USH2A: variants seen among roughly 807,000 people sequenced by gnomAD.
USH2A encodes the protein Usher syndrome 2A (autosomal recessive, mild).
Under a neutral mutation model 538.9 loss-of-function variants are expected in USH2A, and 443 were observed. The observed-to-expected ratio is 0.82, with a 90% CI of 0.76 to 0.89. USH2A has a LOEUF of 0.89. Among genes scored for constraint, USH2A ranks in the 40% least tolerant of loss-of-function variants. USH2A has a pLI of 0.00. For missense variants in USH2A, 6,633 were observed against 6,324.8 expected (o/e 1.05, Z -1.65); for synonymous variants, 2,413 against 2,273.5 (o/e 1.06, Z -1.75).
rs146980351 is a variant in USH2A, at chr1:215,786,745, C to A, written c.10312G>T (p.Ala3438Ser). 5 of 1,613,974 alleles carry A rather than the reference C, an allele frequency of 3.1e-6. No homozygotes were observed. In the Admixed American group the frequency reaches 5.0e-5, roughly 16 times the overall value. Residue 3438 changes from alanine to serine, a missense_variant, in exon 52 of 72, where the codon GCA (alanine) becomes TCA (serine). Transcript: ENST00000307340. Reference sequence around the variant, plus strand: ...GATGAACACATTTCTTCAATTGATGCCTTCCCTGTGGAATTGTGAGACCCT... The same window carrying A: ...GATGAACACATTTCTTCAATTGATGACTTCCCTGTGGAATTGTGAGACCCT... The part of the protein sequence containing the change: ...IRGSHNSTGK[A>S]SIEEMCSSAE...
intron 64 of USH2A, among the ~76,000 whole-genome samples, chr1:215,660,577 A>G (rs548426030): frequency 7.2e-4 from 109 of 152,322 alleles, no homozygotes; most frequent in African/African-American, 2.6e-3. Context: ...TAGAGTAAAT[A>G]AAAGCCTGGC....
At chr1:216,103,602 T>C (rs1334584195) in intron 21 of USH2A, among the ~76,000 whole-genome samples, 3 of 152,160 alleles carry the variant, frequency 2.0e-5, no homozygotes, top group African/African-American at 2.4e-5. Flanking sequence ...CTAGTATGAA[T>C]GAAAAAGCTG....
chr1:216,332,942 T>G (rs979273468), intron 4 of USH2A, among the ~76,000 whole-genome samples: 3 of 151,990 alleles, frequency 2.0e-5, no homozygotes, highest in Non-Finnish European at 4.4e-5. Context: ...GCAAAGAAAC[T>G]CCTACAAACA....
intron 32 of USH2A, among the ~76,000 whole-genome samples, chr1:216,034,195 G>T (rs1393184090): frequency 6.6e-6 from 1 of 152,118 alleles, no homozygotes; most frequent in Non-Finnish European, 1.5e-5. Context: ...AAATGAGGAA[G>T]AGATCACACC....
At chr1:216,101,192 T>C (rs190020272) in intron 21 of USH2A, among the ~76,000 whole-genome samples, 9 of 152,356 alleles carry the variant, frequency 5.9e-5, no homozygotes, top group Admixed American at 5.9e-4. Flanking sequence ...AATTCTATCT[T>C]TTGAGCCAAA....
Position 215,728,332 on chromosome 1 carries a change from C to A in USH2A, c.11764G>T (p.Ala3922Ser), listed in dbSNP as rs745965437. 3 of 1,614,094 alleles carry A rather than the reference C, an allele frequency of 1.9e-6. No individual in the cohort carries two copies. The highest frequency in any genetic ancestry group is 1.3e-5 in the African/African-American group (1 of 74,926). ...TCTCCTTCATCCATAAATTCAAGGG[C>A]TCCTTCTGACCAGACAAATAAAACA... is the stretch of plus-strand genomic sequence containing the variant. ...ESVLFVWSEGALEFMDEGDTL... is the reference protein window; with the variant it reads ...ESVLFVWSEGSLEFMDEGDTL... Residue 3922 changes from alanine (A) to serine (S), a missense_variant, in exon 61 of 72, where the codon GCC (alanine) becomes TCC (serine). Transcript: ENST00000307340.
chr1:216,412,386 T>C (rs1352060406), intron 3 of USH2A, among the ~76,000 whole-genome samples: 1 of 152,108 alleles, frequency 6.6e-6, no homozygotes, highest in Non-Finnish European at 1.5e-5. Context: ...TTTATTGTAA[T>C]AAGGGTTGAT....
intron 44 of USH2A, among the ~76,000 whole-genome samples, chr1:215,852,815 T>A (rs369384893): frequency 6.6e-6 from 1 of 152,200 alleles, no homozygotes; most frequent in African/African-American, 2.4e-5. Flanking sequence ...ATGTCTCACA[T>A]CCAGCTCATG....
At chr1:215,821,210 GTAAA>G (rs1663006206) in intron 47 of USH2A, among the ~76,000 whole-genome samples, 1 of 151,780 alleles carries the variant, frequency 6.6e-6, no homozygotes, top group Non-Finnish European at 1.5e-5. Context: ...CACCAACAGT[GTAAA>G]TAGAGTTCCC....
At position 215,674,599 on chromosome 1, in the gene USH2A, A is replaced by T; in HGVS notation, c.13312T>A (p.Trp4438Arg). Residue 4438 changes from tryptophan (W) to arginine (R), a missense_variant, in exon 63 of 72, where the codon TGG becomes AGG. By Grantham distance (101) the Trp-to-Arg change is moderately radical. Transcript: ENST00000307340. Reference sequence around the variant, plus strand: ...TTCTCTGGCAGGGCCTCCATTGTCCAGGCAGATTTTGACACACTAGCTGTG... The same window carrying T: ...TTCTCTGGCAGGGCCTCCATTGTCCTGGCAGATTTTGACACACTAGCTGTG... ...GCTASVSKSA[W>R]TMEALPENMD... 1 of 1,614,172 alleles carries T rather than the reference A, an allele frequency of 6.2e-7. No individual in the cohort carries two copies. The highest frequency in any genetic ancestry group is 8.5e-7 in the Non-Finnish European group (1 of 1,180,024).
At chr1:216,347,442 G>A (rs939389411) in intron 4 of USH2A, among the ~76,000 whole-genome samples, 6 of 152,060 alleles carry the variant, frequency 3.9e-5, no homozygotes, top group African/African-American at 1.4e-4. Context: ...AAATTACAAA[G>A]TATGTCTTCT....
intron 51 of USH2A, among the ~76,000 whole-genome samples, chr1:215,787,336 ATG>A (rs1167077706): frequency 6.6e-6 from 1 of 152,196 alleles, no homozygotes; most frequent in Middle Eastern, 3.2e-3. Context: ...AAAATAAAGA[ATG>A]TGATATTTGA....
chr1:216,305,695 T>C (rs1267708762), intron 9 of USH2A, among the ~76,000 whole-genome samples: 1 of 152,190 alleles, frequency 6.6e-6, no homozygotes, highest in Non-Finnish European at 1.5e-5. Flanking sequence ...GTTCTTGTAG[T>C]GCTAGCTTGG....
intron 10 of USH2A, among the ~76,000 whole-genome samples, chr1:216,290,245 A>T (rs569836001): frequency 6.6e-6 from 1 of 152,296 alleles, no homozygotes; most frequent in East Asian, 1.9e-4. Flanking sequence ...TGAAGACTAC[A>T]GAAATAATCA....
At chr1:215,993,255 T>A (rs1291155024) in intron 34 of USH2A, 88 bp from the exon 35 acceptor site, 2 of 1,599,100 alleles carry the variant, frequency 1.3e-6, no homozygotes, top group African/African-American at 2.7e-5. Context: ...AATAAGAGTT[T>A]CAGATTTTGT....
At chr1:215,904,635 C>T (rs1665586562) in intron 38 of USH2A, among the ~76,000 whole-genome samples, 1 of 152,082 alleles carries the variant, frequency 6.6e-6, no homozygotes, top group African/African-American at 2.4e-5. Flanking sequence ...ATATTGTCTC[C>T]AAGATGCTCT....
chr1:216,162,957 A>C (rs2034088649), intron 21 of USH2A, among the ~76,000 whole-genome samples: 1 of 152,016 alleles, frequency 6.6e-6, no homozygotes, highest in South Asian at 2.1e-4. Flanking sequence ...TCTCTCTGGG[A>C]ACCTACCCTC....
At chr1:216,382,569 A>T (rs1334513413) in intron 3 of USH2A, among the ~76,000 whole-genome samples, 1 of 152,186 alleles carries the variant, frequency 6.6e-6, no homozygotes, top group Non-Finnish European at 1.5e-5. Flanking sequence ...TTGAATTTTG[A>T]AAGCTCACTG....
intron 32 of USH2A, among the ~76,000 whole-genome samples, chr1:216,022,742 G>C (rs986861375): frequency 2.0e-5 from 3 of 152,020 alleles, no homozygotes; most frequent in Non-Finnish European, 4.4e-5. Context: ...TATTAGAATC[G>C]ACTGGGACAG....
Sources: allele counts gnomAD v4.1 joint callset (sites outside exome capture counted in the v4.1 genomes callset), GRCh38; gene constraint gnomAD v4.1.1; transcripts MANE v1.5; gene names NCBI Gene and HGNC (gene_info 2026-07-23, HGNC 2026-07-21).